Variants in CEP83 observed in about 807,000 individuals in gnomAD.
CEP83 encodes centrosomal protein 83.
In CEP83, 70 loss-of-function variants were observed where a neutral mutation model predicts 101.9. That is an observed-to-expected ratio of 0.69 (90% CI 0.57 to 0.84). The LOEUF (loss-of-function observed/expected upper bound fraction) is 0.84. Among genes scored for constraint, CEP83 ranks in the 40% least tolerant of loss-of-function variants. The pLI is 0.00. For synonymous variants in CEP83, 264 were observed against 267.9 expected (o/e 0.99, Z 0.14); for missense variants, 715 against 787.2 (o/e 0.91, Z 1.10).
chr12:94,319,355 ATTAG>A (rs779157768), intron 14 of CEP83, among the ~76,000 whole-genome samples: 2 of 152,092 alleles, frequency 1.3e-5, no homozygotes, highest in Non-Finnish European at 2.9e-5. Context: ...CAACTCCCGT[ATTAG>A]TTAATCTTTT....
the CEP83 span, among the ~76,000 whole-genome samples, chr12:94,294,000 C>T: frequency 6.6e-6 from 1 of 152,146 alleles, no homozygotes; most frequent in Non-Finnish European, 1.5e-5. Flanking sequence ...AAAGGCCCTA[C>T]CTCCTAATAC....
chr12:94,361,012 G>A (rs1347246479), intron 11 of CEP83, among the ~76,000 whole-genome samples: 2 of 152,116 alleles, frequency 1.3e-5, no homozygotes, highest in Non-Finnish European at 2.9e-5. Context: ...GGAAAGGACA[G>A]CCTCTTCAAT....
intron 1 of CEP83, among the ~76,000 whole-genome samples, chr12:94,450,486 T>C (rs113170627): frequency 3.9e-5 from 6 of 152,286 alleles, no homozygotes; most frequent in African/African-American, 1.4e-4. Flanking sequence ...TCTCCTGACC[T>C]CGTGATCCAC....
downstream of CEP83, chr12:94,303,934 A>G: frequency 6.2e-7 from 1 of 1,605,822 alleles, no homozygotes; most frequent in Non-Finnish European, 8.5e-7. Context: ...ATATTTGGTT[A>G]CTTTACGTCA....
At chr12:94,447,376 G>A (rs1445292611) in intron 1 of CEP83, among the ~76,000 whole-genome samples, 1 of 152,136 alleles carries the variant, frequency 6.6e-6, no homozygotes, top group Middle Eastern at 3.2e-3. Context: ...GTGGTGGCAC[G>A]TGCCTGTAGT....
At chr12:94,457,670 A>T (rs1195791883) in intron 1 of CEP83, among the ~76,000 whole-genome samples, 5 of 152,244 alleles carry the variant, frequency 3.3e-5, no homozygotes, top group Non-Finnish European at 7.3e-5. Context: ...GGTATCTGAC[A>T]TAAAGAACAT....
chr12:94,388,485 T>C (rs1272876963), intron 6 of CEP83, among the ~76,000 whole-genome samples: 1 of 152,156 alleles, frequency 6.6e-6, no homozygotes, highest in South Asian at 2.1e-4. Flanking sequence ...TTAGGCACTA[T>C]GCTCAGTATC....
intron 14 of CEP83, among the ~76,000 whole-genome samples, chr12:94,326,466 C>A (rs956362299): frequency 2.0e-4 from 30 of 152,216 alleles, no homozygotes; most frequent in African/African-American, 7.2e-4. Context: ...AGCCGTTTAA[C>A]TTGTGGGATC....
downstream of CEP83, chr12:94,303,731 G>GTTTT: frequency 1.8e-6 from 2 of 1,113,692 alleles, no homozygotes; most frequent in Non-Finnish European, 2.3e-6. Context: ...GGTGATGGTT[G>GTTTT]CTTTTTTTTT....
At chr12:94,377,216 C>T (rs2061599077) in intron 7 of CEP83, among the ~76,000 whole-genome samples, 1 of 152,094 alleles carries the variant, frequency 6.6e-6, no homozygotes, top group African/African-American at 2.4e-5. Flanking sequence ...CTTAAGCATC[C>T]TCAACACACG....
intron 2 of CEP83, among the ~76,000 whole-genome samples, chr12:94,421,497 G>C (rs2064743705): frequency 6.6e-6 from 1 of 152,104 alleles, no homozygotes; most frequent in African/African-American, 2.4e-5. Context: ...TCATGGTTGT[G>C]AGGCTACCAC....
intron 11 of CEP83, among the ~76,000 whole-genome samples, chr12:94,366,652 T>A (rs1229885694): frequency 6.6e-6 from 1 of 152,154 alleles, no homozygotes; most frequent in Non-Finnish European, 1.5e-5. Context: ...GATGTAAATG[T>A]GTAATTTTCA....
chr12:94,289,440 C>T, the CEP83 span, among the ~76,000 whole-genome samples: 1 of 152,194 alleles, frequency 6.6e-6, no homozygotes, highest in African/African-American at 2.4e-5. Flanking sequence ...ACCAGTTCTG[C>T]TCTGGGCTGG....
chr12:94,318,005 C>T (rs1007950244), intron 14 of CEP83, among the ~76,000 whole-genome samples: 7 of 152,088 alleles, frequency 4.6e-5, no homozygotes, highest in Non-Finnish European at 8.8e-5. Flanking sequence ...CAATAAATTG[C>T]TTTTGACAGT....
chr12:94,325,509 C>T (rs1250134797), intron 14 of CEP83, among the ~76,000 whole-genome samples: 5 of 152,176 alleles, frequency 3.3e-5, no homozygotes, highest in Non-Finnish European at 5.9e-5. Context: ...CTCACCTCCA[C>T]CTGATAGTAT....
chr12:94,282,406 G>C, the CEP83 span: 4 of 1,582,312 alleles, frequency 2.5e-6, no homozygotes, highest in African/African-American at 2.7e-5. Flanking sequence ...TATGAGGTAA[G>C]AGCAAGACTT....
the CEP83 span, among the ~76,000 whole-genome samples, chr12:94,295,515 TTCGTGGGCCC>T: frequency 6.6e-6 from 1 of 152,164 alleles, no homozygotes; most frequent in South Asian, 2.1e-4. Flanking sequence ...TTTGGATCTC[TTCGTGGGCCC>T]TCCAGTCAGT....
chr12:94,294,637 G>A, the CEP83 span: 1 of 617,482 alleles, frequency 1.6e-6, no homozygotes, highest in Non-Finnish European at 3.0e-6. Flanking sequence ...AGGTGAGATT[G>A]AGTTGTTGCT....
chr12:94,287,756 A>G, the CEP83 span, among the ~76,000 whole-genome samples: 1 of 152,204 alleles, frequency 6.6e-6, no homozygotes, highest in South Asian at 2.1e-4. Context: ...CATCTGTGAC[A>G]CTAAAAGGGA....
Sources: allele counts gnomAD v4.1 joint callset (sites outside exome capture counted in the v4.1 genomes callset), GRCh38; gene constraint gnomAD v4.1.1; transcripts MANE v1.5; gene names NCBI Gene and HGNC (gene_info 2026-07-23, HGNC 2026-07-21).